SPATS2L: variants seen among roughly 807,000 people sequenced by gnomAD.
SPATS2L encodes SPATS2-like protein.
Under a neutral mutation model 59.6 loss-of-function variants are expected in SPATS2L, and 30 were observed. That is an observed-to-expected ratio of 0.50 (90% CI 0.38 to 0.68). SPATS2L has a LOEUF of 0.68. Among genes scored for constraint, SPATS2L ranks in the 30% least tolerant of loss-of-function variants. SPATS2L has a pLI of 0.00. For missense variants in SPATS2L, 615 were observed against 700.0 expected (o/e 0.88, Z 1.37); for synonymous variants, 252 against 263.5 (o/e 0.96, Z 0.42).
At chr2:200,454,380 A>G (rs889929385) in intron 8 of SPATS2L, among the ~76,000 whole-genome samples, 3 of 152,184 alleles carry the variant, frequency 2.0e-5, no homozygotes, top group Admixed American at 2.0e-4. Context: ...CAAGCTTCCA[A>G]ATGAATCAAT....
At position 200,345,929 on chromosome 2, in the gene SPATS2L, G is replaced by A. The variant is rs1327520458; in HGVS notation, c.-23+16449G>A. 2.0e-5 allele frequency among the ~76,000 whole-genome samples: 3 copies of A among 152,124 alleles called. No homozygotes were observed. The East Asian group carries it at 5.8e-4, about 29-fold the overall frequency. On this transcript the variant is annotated intron_variant, in intron 2 of 12. Coordinates refer to ENST00000409140, the MANE Select transcript of SPATS2L (RefSeq NM_001100423.2). ...AGCAGTTGAAGCAAACTGTAACAAA[G>A]AAGTCACTTCCATCAGAAAATAAAA...
At chr2:200,307,407 G>C (rs1460407091) in intron 1 of SPATS2L, among the ~76,000 whole-genome samples, 1 of 151,938 alleles carries the variant, frequency 6.6e-6, no homozygotes, top group African/African-American at 2.4e-5. Context: ...CCCGCCCTCG[G>C]ATCCCAGCCG....
intron 2 of SPATS2L, among the ~76,000 whole-genome samples, chr2:200,379,910 A>T (rs145104460): frequency 6.6e-6 from 1 of 152,170 alleles, no homozygotes; most frequent in Non-Finnish European, 1.5e-5. Context: ...TTGCTGATAC[A>T]AGTGGGTACT....
At chr2:200,450,223 A>G (rs1432707526) in intron 8 of SPATS2L, among the ~76,000 whole-genome samples, 1 of 152,210 alleles carries the variant, frequency 6.6e-6, no homozygotes, top group South Asian at 2.1e-4. Context: ...ACATCATTCT[A>G]GAAAATCACT....
At chr2:200,311,276 T>G (rs2079184770) in intron 1 of SPATS2L, among the ~76,000 whole-genome samples, 1 of 152,130 alleles carries the variant, frequency 6.6e-6, no homozygotes, top group Non-Finnish European at 1.5e-5. Flanking sequence ...CTGTCAAGAT[T>G]TTTTTTTCCC....
At chr2:200,461,593 G>C (rs1229411416) in intron 9 of SPATS2L, among the ~76,000 whole-genome samples, 3 of 152,174 alleles carry the variant, frequency 2.0e-5, no homozygotes, top group African/African-American at 7.2e-5. Flanking sequence ...CTGGGATTCA[G>C]TTTTACAATC....
chr2:200,438,641 C>T (rs955575072), intron 6 of SPATS2L, among the ~76,000 whole-genome samples: 1 of 152,200 alleles, frequency 6.6e-6, no homozygotes, highest in Non-Finnish European at 1.5e-5. Context: ...TTTGCTCTAT[C>T]TCCAGTCACG....
chr2:200,361,468 A>G (rs1006992903), intron 2 of SPATS2L, among the ~76,000 whole-genome samples: 1 of 152,228 alleles, frequency 6.6e-6, no homozygotes, highest in Non-Finnish European at 1.5e-5. Context: ...TTAAAAAAAT[A>G]TCTGCAGGGA....
At chr2:200,365,353 C>T (rs6743157) in intron 2 of SPATS2L, among the ~76,000 whole-genome samples, 52,647 of 152,058 alleles carry the variant, frequency 0.35, 9,925 homozygotes, top group East Asian at 0.55. Context: ...TCATGGGGCT[C>T]AAGGAGGATG....
intron 5 of SPATS2L, among the ~76,000 whole-genome samples, chr2:200,416,715 A>G (rs565171344): frequency 4.6e-5 from 7 of 152,276 alleles, no homozygotes; most frequent in African/African-American, 1.4e-4. Flanking sequence ...GGAGAATTCA[A>G]AGGATTCAAA....
intron 9 of SPATS2L, chr2:200,460,806 T>G (rs1024363971): frequency 1.4e-5 from 2 of 147,916 alleles, no homozygotes; most frequent in Middle Eastern, 3.6e-3. Context: ...CACTAAACAG[T>G]TTTTTTTTGT....
intron 2 of SPATS2L, among the ~76,000 whole-genome samples, chr2:200,369,319 C>T (rs561522119): frequency 2.2e-4 from 33 of 152,116 alleles, no homozygotes; most frequent in African/African-American, 7.0e-4. Context: ...CCACCATGCC[C>T]GACAAATTTT....
chr2:200,390,974 A>G (rs2082156028), intron 3 of SPATS2L: 1 of 152,060 alleles, frequency 6.6e-6, no homozygotes, highest in African/African-American at 2.4e-5. Context: ...CAGCCTGACC[A>G]ACCTGGAGAA....
At chr2:200,333,335 CTT>C (rs4035264) in intron 2 of SPATS2L, among the ~76,000 whole-genome samples, 85 of 143,582 alleles carry the variant, frequency 5.9e-4, no homozygotes, top group South Asian at 2.9e-3. Flanking sequence ...ACATAGCAGT[CTT>C]TTTTTTTTTT....
intron 2 of SPATS2L, among the ~76,000 whole-genome samples, chr2:200,344,079 A>T (rs573282360): frequency 1.7e-4 from 25 of 150,944 alleles, no homozygotes; most frequent in Non-Finnish European, 2.1e-4. Flanking sequence ...AAAATTTATT[A>T]AAAAAAAATA....
At chr2:200,329,517 T>C in intron 2 of SPATS2L, 37 bp downstream of exon 2, 1 of 1,531,070 alleles carries the variant, frequency 6.5e-7, no homozygotes, top group South Asian at 1.2e-5. Context: ...TGTGACCTCC[T>C]CCTGCTGCCA....
At chr2:200,352,234 A>C (rs1176568342) in intron 2 of SPATS2L, among the ~76,000 whole-genome samples, 2 of 151,284 alleles carry the variant, frequency 1.3e-5, no homozygotes, top group African/African-American at 2.4e-5. Flanking sequence ...GCATATACTT[A>C]AAGACCATAA....
At chr2:200,308,377 C>G (rs3769482) in intron 1 of SPATS2L, among the ~76,000 whole-genome samples, 46,380 of 151,898 alleles carry the variant, frequency 0.31, 7,788 homozygotes, top group East Asian at 0.57. Flanking sequence ...GCAGTTTTAT[C>G]TAGTAACTGT....
chr2:200,470,395 A>G (rs1039967277), intron 11 of SPATS2L, among the ~76,000 whole-genome samples: 1 of 152,188 alleles, frequency 6.6e-6, no homozygotes, highest in African/African-American at 2.4e-5. Context: ...ACAATCAGTT[A>G]TTGTTGTGCA....
Sources: gnomAD v4.1 joint callset for allele counts (sites outside exome capture counted in the v4.1 genomes callset) on GRCh38, gnomAD v4.1.1 for gene constraint, MANE v1.5 for transcripts, NCBI Gene and HGNC (gene_info 2026-07-23, HGNC 2026-07-21) for gene names.